The following CMIP variants were observed in gnomAD, a reference collection of about 807,000 sequenced individuals.
CMIP encodes the protein c-Maf inducing protein.
In CMIP, 13 loss-of-function variants were observed where a neutral mutation model predicts 97.3. The observed-to-expected ratio is 0.13, with a 90% CI of 0.09 to 0.21. CMIP has a LOEUF of 0.21. CMIP is among the 10% of genes least tolerant of loss of function. The pLI is 1.00. For synonymous variants in CMIP, 538 were observed against 436.3 expected (o/e 1.23, Z -2.91); for missense variants, 847 against 1,024.9 (o/e 0.83, Z 2.37).
intron 1 of CMIP, among the ~76,000 whole-genome samples, chr16:81,492,958 G>C (rs1047997058): frequency 5.3e-5 from 8 of 152,164 alleles, no homozygotes; most frequent in Admixed American, 4.6e-4. Flanking sequence ...TGAGCGAGAA[G>C]ATGCAGATGC....
chr16:81,647,820 C>G (rs998088821), intron 3 of CMIP, among the ~76,000 whole-genome samples: 2 of 152,094 alleles, frequency 1.3e-5, no homozygotes, highest in Non-Finnish European at 2.9e-5. Flanking sequence ...AGGCCTCCCT[C>G]ATCCCTGTGG....
At chr16:81,605,215 G>A (rs567930622) in intron 1 of CMIP, among the ~76,000 whole-genome samples, 21 of 152,310 alleles carry the variant, frequency 1.4e-4, no homozygotes, top group African/African-American at 4.6e-4. Context: ...AACAGTGAAG[G>A]GCAGGCCCAC....
In CMIP at chr16:81,562,518, G is replaced by T. The variant is rs565847938; in HGVS notation, c.301-45049G>T. Among the ~76,000 whole-genome samples, 21 of 152,378 alleles carry T rather than the reference G, an allele frequency of 1.4e-4. No individual in the cohort carries two copies. In the East Asian group the frequency reaches 3.9e-3, roughly 28 times the overall value. On this transcript the variant is annotated intron_variant, in intron 1 of 20. Coordinates refer to ENST00000537098, the MANE Select transcript of CMIP (RefSeq NM_198390.3). ...CCAGCTGCGGGCCTCTTGGACCAGG[G>T]TGATGATCCCTGGGCTGGGGCCCAT...
intron 1 of CMIP, among the ~76,000 whole-genome samples, chr16:81,452,114 C>G (rs917161641): frequency 2.0e-5 from 3 of 152,172 alleles, no homozygotes; most frequent in African/African-American, 7.2e-5. Context: ...ATTTCGTTAC[C>G]CCTCCCATGT....
intron 1 of CMIP, among the ~76,000 whole-genome samples, chr16:81,606,037 G>T (rs1454588814): frequency 1.3e-5 from 2 of 152,186 alleles, no homozygotes; most frequent in Non-Finnish European, 2.9e-5. Flanking sequence ...CTCTCGTTTG[G>T]CAGACAGATA....
chr16:81,648,941 G>A (rs548142567), intron 3 of CMIP, among the ~76,000 whole-genome samples: 3 of 151,936 alleles, frequency 2.0e-5, no homozygotes, highest in African/African-American at 7.2e-5. Context: ...AGCCCTCATT[G>A]CCTATATCAT....
intron 9 of CMIP, among the ~76,000 whole-genome samples, chr16:81,672,293 G>T (rs2151044030): frequency 6.6e-6 from 1 of 152,232 alleles, no homozygotes; most frequent in East Asian, 1.9e-4. Context: ...CACCGCAACT[G>T]CAAGGCTGTT....
intron 1 of CMIP, among the ~76,000 whole-genome samples, chr16:81,572,590 C>T (rs61732868): frequency 3.3e-5 from 5 of 152,272 alleles, no homozygotes; most frequent in Middle Eastern, 3.4e-3. Context: ...ATGTTACAGA[C>T]GGGGAGACTG....
intron 1 of CMIP, among the ~76,000 whole-genome samples, chr16:81,574,262 C>T (rs1318998125): frequency 6.6e-6 from 1 of 152,190 alleles, no homozygotes; most frequent in Admixed American, 6.5e-5. Flanking sequence ...AATCTGATAA[C>T]CCCACGGCCC....
chr16:81,501,365 G>A (rs1270013525), intron 1 of CMIP, among the ~76,000 whole-genome samples: 1 of 152,256 alleles, frequency 6.6e-6, no homozygotes, highest in Non-Finnish European at 1.5e-5. Flanking sequence ...CAGGGGACCT[G>A]AAGCCCCTCT....
At chr16:81,557,942 A>G (rs1267592975) in intron 1 of CMIP, among the ~76,000 whole-genome samples, 2 of 152,002 alleles carry the variant, frequency 1.3e-5, no homozygotes, top group Non-Finnish European at 2.9e-5. Context: ...GTTAAACACT[A>G]ACTCCCCATT....
At position 81,475,422 on chromosome 16, in the gene CMIP, AT is replaced by A. The variant is rs1907843402; in HGVS notation, c.300+29883del. ...TTTCTCTGCCCCGACTTTGATGTTT[AT>A]TCTTGTGCATATTTTTGTACTTGTA... On this transcript the variant is annotated intron_variant, in intron 1 of 20. Coordinates refer to ENST00000537098, the MANE Select transcript of CMIP (RefSeq NM_198390.3). 2.0e-5 allele frequency among the ~76,000 whole-genome samples: 3 copies of A among 152,282 alleles called. No individual in the cohort carries two copies. The South Asian group carries it at 6.2e-4, about 32-fold the overall frequency.
intron 15 of CMIP, 56 bp from the exon 16 acceptor site, chr16:81,701,604 G>A (rs1445681581): frequency 1.9e-6 from 3 of 1,612,304 alleles, no homozygotes; most frequent in Non-Finnish European, 2.5e-6. Context: ...TGCACAGAGT[G>A]TGCTGAGCTA....
chr16:81,478,153 T>G (rs912777366), intron 1 of CMIP, among the ~76,000 whole-genome samples: 3 of 147,124 alleles, frequency 2.0e-5, no homozygotes, highest in Non-Finnish European at 3.0e-5. Context: ...CAGTCTCCAC[T>G]TCACTCTTGG....
chr16:81,680,069 G>A (rs1904715745), intron 10 of CMIP, among the ~76,000 whole-genome samples: 1 of 152,172 alleles, frequency 6.6e-6, no homozygotes, highest in African/African-American at 2.4e-5. Flanking sequence ...CCTTTCGGAG[G>A]GGTTCGGGGT....
Position 81,704,089 on chromosome 16 carries a change from C to A in CMIP, c.2091+4C>A. The A allele has an allele frequency of 6.2e-7, 1 of 1,601,988 alleles. No individual in the cohort carries two copies. ...GCTGAACCTGTGGTCCACTCAGGTA[C>A]GTCCTCCCGCCCTGCTGCAGTCCCC... On this transcript the variant is annotated splice_donor_region_variant and intron_variant, in intron 18 of 20. Transcript: ENST00000537098.
At chr16:81,479,574 C>A (rs1337787880) in intron 1 of CMIP, among the ~76,000 whole-genome samples, 1 of 152,112 alleles carries the variant, frequency 6.6e-6, no homozygotes, top group Admixed American at 6.5e-5. Context: ...CCTTTAGGGA[C>A]CACATATGAA....
At chr16:81,662,833 G>A (rs187747214) in intron 6 of CMIP, among the ~76,000 whole-genome samples, 6 of 152,266 alleles carry the variant, frequency 3.9e-5, no homozygotes, top group Non-Finnish European at 2.9e-5. Flanking sequence ...ACTGCCACCC[G>A]AGTGCTAAAG....
rs757883919 is a variant in CMIP, at chr16:81,701,788, G to A, written c.1884G>A (p.Glu628=). Residue 628 remains glutamate (E), a synonymous_variant, in exon 16 of 21, where the codon GAG becomes GAA. Coordinates refer to ENST00000537098, the MANE Select transcript of CMIP (RefSeq NM_198390.3). ...MYEQLCDRQR[E]LKELQRKGGP... The stretch of plus-strand genomic sequence containing the variant: ...AGCAGCTGTGTGACCGGCAGCGGGA[G>A]CTGAAGGAGCTGGTGAGTCCCCGGC... The A allele has an allele frequency of 3.7e-6, 6 of 1,613,522 alleles. No homozygotes were observed. The highest frequency in any genetic ancestry group is 5.1e-6 in the Non-Finnish European group (6 of 1,179,872).
Sources: allele counts gnomAD v4.1 joint callset (sites outside exome capture counted in the v4.1 genomes callset), GRCh38; gene constraint gnomAD v4.1.1; transcripts MANE v1.5; gene names NCBI Gene and HGNC (gene_info 2026-07-23, HGNC 2026-07-21).